DENND1A: variants seen among roughly 807,000 people sequenced by gnomAD.
The protein encoded by DENND1A is DENN domain-containing protein 1A.
In DENND1A, 51 loss-of-function variants were observed where a neutral mutation model predicts 113.7. The observed-to-expected ratio is 0.45, with a 90% CI of 0.36 to 0.57. The LOEUF (loss-of-function observed/expected upper bound fraction) is 0.57, where lower values mean the gene tolerates loss of function less well. DENND1A is among the 20% of genes least tolerant of loss of function. DENND1A has a pLI of 0.00. For synonymous variants in DENND1A, 565 were observed against 570.8 expected (o/e 0.99, Z 0.14); for missense variants, 1,258 against 1,395.9 (o/e 0.90, Z 1.57).
intron 5 of DENND1A, among the ~76,000 whole-genome samples, chr9:123,695,246 A>AAT: frequency 6.6e-6 from 1 of 152,234 alleles, no homozygotes; most frequent in South Asian, 2.1e-4. Flanking sequence ...GTTCTCTAAG[A>AAT]ATATAAGCCT....
intron 2 of DENND1A, among the ~76,000 whole-genome samples, chr9:123,875,131 A>G (rs552743357): frequency 6.6e-6 from 1 of 152,376 alleles, no homozygotes; most frequent in South Asian, 2.1e-4. Flanking sequence ...AGAGCTACAT[A>G]CAGAATAATT....
chr9:123,607,543 A>T (rs1325167987), intron 11 of DENND1A, among the ~76,000 whole-genome samples: 45 of 123,522 alleles, frequency 3.6e-4, no homozygotes, highest in African/African-American at 1.1e-3. Flanking sequence ...AGAGAGAGAG[A>T]GAGAGTGTGT....
At chr9:123,512,306 C>G (rs2053524866) in intron 13 of DENND1A, among the ~76,000 whole-genome samples, 1 of 152,216 alleles carries the variant, frequency 6.6e-6, no homozygotes, top group East Asian at 1.9e-4. Context: ...TGCAGAGGGC[C>G]AGGCCCCATG....
intron 11 of DENND1A, among the ~76,000 whole-genome samples, chr9:123,591,830 A>C (rs2059470909): frequency 6.6e-6 from 1 of 152,240 alleles, no homozygotes; most frequent in Non-Finnish European, 1.5e-5. Context: ...CAATGGGAAT[A>C]ATAATAATAA....
At chr9:123,633,989 A>G (rs1056540411) in intron 9 of DENND1A, among the ~76,000 whole-genome samples, 1 of 152,246 alleles carries the variant, frequency 6.6e-6, no homozygotes, top group Non-Finnish European at 1.5e-5. Flanking sequence ...ACATCATCAC[A>G]TGAATTAATT....
chr9:123,728,045 G>A (rs1391100232), intron 5 of DENND1A, among the ~76,000 whole-genome samples: 11 of 151,068 alleles, frequency 7.3e-5, no homozygotes, highest in Admixed American at 7.2e-4. Context: ...GGCGGAGCTT[G>A]CAGTGAGCCA....
At position 123,446,511 on chromosome 9, in the gene DENND1A, A is replaced by C. The variant is rs138969196; in HGVS notation, c.1356+4182T>G. On this transcript the variant is annotated intron_variant, in intron 18 of 23. Coordinates refer to ENST00000394215, the MANE Select transcript of DENND1A (RefSeq NM_001352964.2). ...AACCAACTGTGAATTTGCTCCTTTC[A>C]ATCACAGAGACTCTAAATCAACAAG... Among the ~76,000 whole-genome samples, 274 of 152,320 alleles carry C rather than the reference A, an allele frequency of 1.8e-3. 2 individuals are homozygous for C. The highest frequency in any genetic ancestry group is 5.6e-3 in the African/African-American group (233 of 41,572).
chr9:123,387,502 CCT>C (rs1200279579), intron 22 of DENND1A, among the ~76,000 whole-genome samples: 1 of 152,190 alleles, frequency 6.6e-6, no homozygotes, highest in Non-Finnish European at 1.5e-5. Flanking sequence ...CACCCTGTCA[CCT>C]CTCTATTGTC....
At chr9:123,645,148 C>T (rs548626966) in intron 9 of DENND1A, among the ~76,000 whole-genome samples, 2 of 152,104 alleles carry the variant, frequency 1.3e-5, no homozygotes, top group South Asian at 2.1e-4. Flanking sequence ...TGTTATTGAC[C>T]GAGAAACCCC....
At chr9:123,390,774 G>C (rs1157294448) in intron 21 of DENND1A, among the ~76,000 whole-genome samples, 1 of 152,256 alleles carries the variant, frequency 6.6e-6, no homozygotes, top group African/African-American at 2.4e-5. Context: ...AGCGGGGCTC[G>C]GAGTAGATGC....
At chr9:123,566,363 G>T (rs2058051949) in intron 12 of DENND1A, among the ~76,000 whole-genome samples, 1 of 152,120 alleles carries the variant, frequency 6.6e-6, no homozygotes, top group South Asian at 2.1e-4. Flanking sequence ...CTCCATGGGG[G>T]AGTGAGGGCT....
intron 5 of DENND1A, among the ~76,000 whole-genome samples, chr9:123,750,460 AG>A (rs2069915319): frequency 6.6e-6 from 1 of 152,226 alleles, no homozygotes; most frequent in African/African-American, 2.4e-5. Flanking sequence ...GGAACTCAGA[AG>A]GGCCCTGGGC....
At chr9:123,721,407 T>A (rs2067325073) in intron 5 of DENND1A, among the ~76,000 whole-genome samples, 1 of 152,222 alleles carries the variant, frequency 6.6e-6, no homozygotes, top group Non-Finnish European at 1.5e-5. Context: ...CCTATCATGC[T>A]CTGCCTTCTC....
intron 9 of DENND1A, among the ~76,000 whole-genome samples, chr9:123,635,343 A>T (rs1006798543): frequency 6.6e-6 from 1 of 152,244 alleles, no homozygotes; most frequent in Non-Finnish European, 1.5e-5. Context: ...ACAGATTAGG[A>T]AACAGTTTCA....
Position 123,664,949 on chromosome 9 carries a change from TG to T in DENND1A, c.507+2076del, listed in dbSNP as rs530046620. ...CCTGCATTACTTTCCCACTTCTTTT[TG>T]GATTTCTCCACTGTCTATACTGAAT... On this transcript the variant is annotated intron_variant, in intron 8 of 23. Transcript: ENST00000394215. Among the ~76,000 whole-genome samples, 218 of 152,340 alleles carry T rather than the reference TG, an allele frequency of 1.4e-3. 2 individuals carry two copies. Among genetic ancestry groups the T allele is most frequent in the Admixed American group, 4.7e-3 (72 of 15,296 alleles).
intron 11 of DENND1A, among the ~76,000 whole-genome samples, chr9:123,600,830 T>TAA (rs111709215): frequency 4.7e-4 from 65 of 138,916 alleles, no homozygotes; most frequent in African/African-American, 1.3e-3. Flanking sequence ...GACTCCATCA[T>TAA]AAAAAAAAAA....
intron 3 of DENND1A, among the ~76,000 whole-genome samples, chr9:123,792,238 T>C (rs1833096744): frequency 6.6e-6 from 1 of 152,242 alleles, no homozygotes; most frequent in Admixed American, 6.5e-5. Flanking sequence ...GTTACACTGC[T>C]TCTTGACTCC....
intron 5 of DENND1A, among the ~76,000 whole-genome samples, chr9:123,695,748 T>TG (rs2065472871): frequency 6.6e-6 from 1 of 152,184 alleles, no homozygotes. Flanking sequence ...CTCATACTAG[T>TG]GTGGGCACAC....
chr9:123,734,762 T>C (rs1250533831), intron 5 of DENND1A, among the ~76,000 whole-genome samples: 2 of 152,168 alleles, frequency 1.3e-5, no homozygotes, highest in Non-Finnish European at 2.9e-5. Context: ...TCTAGACATA[T>C]GATGGGTGTG....
Sources: gnomAD v4.1 joint callset for allele counts (sites outside exome capture counted in the v4.1 genomes callset) on GRCh38, gnomAD v4.1.1 for gene constraint, MANE v1.5 for transcripts, NCBI Gene and HGNC (gene_info 2026-07-23, HGNC 2026-07-21) for gene names.